PTPRD: variants seen among roughly 807,000 people sequenced by gnomAD.
The protein encoded by PTPRD is receptor-type tyrosine-protein phosphatase delta.
In PTPRD, 34 loss-of-function variants were observed where a neutral mutation model predicts 214.5. The observed-to-expected ratio is 0.16, with a 90% CI of 0.12 to 0.21. The LOEUF is 0.21. Among genes scored for constraint, PTPRD ranks in the 10% least tolerant of loss-of-function variants. PTPRD has a pLI of 1.00. For missense variants in PTPRD, 2,545 were observed against 2,398.7 expected (o/e 1.06, Z -1.27); for synonymous variants, 1,128 against 845.7 (o/e 1.33, Z -5.79).
intron 9 of PTPRD, among the ~76,000 whole-genome samples, chr9:9,202,387 C>G (rs9987419): frequency 0.11 from 17,048 of 152,040 alleles, 1,193 homozygotes; most frequent in Non-Finnish European, 0.15. Context: ...GGACATTTTT[C>G]TTATCAAGTA....
intron 7 of PTPRD, among the ~76,000 whole-genome samples, chr9:9,690,289 C>T (rs1424085557): frequency 6.6e-6 from 1 of 151,808 alleles, no homozygotes; most frequent in Admixed American, 6.6e-5. Flanking sequence ...GTGTCTTCTT[C>T]TGAGAACTGT....
chr9:9,283,963 A>G (rs1238460780), intron 9 of PTPRD, among the ~76,000 whole-genome samples: 1 of 151,648 alleles, frequency 6.6e-6, no homozygotes, highest in Non-Finnish European at 1.5e-5. Context: ...TTCATAAACA[A>G]CCAGGTTTTG....
At chr9:8,939,649 G>A (rs1042761322) in intron 11 of PTPRD, among the ~76,000 whole-genome samples, 2 of 151,904 alleles carry the variant, frequency 1.3e-5, no homozygotes, top group Non-Finnish European at 2.9e-5. Context: ...AACTTAAAAG[G>A]CAATCTGAAA....
chr9:9,109,845 T>A (rs2099803628), intron 10 of PTPRD, among the ~76,000 whole-genome samples: 1 of 152,112 alleles, frequency 6.6e-6, no homozygotes, highest in South Asian at 2.1e-4. Flanking sequence ...AGTCTGGGGA[T>A]GTGCCAGGAA....
intron 9 of PTPRD, among the ~76,000 whole-genome samples, chr9:9,199,393 G>A (rs933642569): frequency 4.6e-5 from 7 of 152,124 alleles, no homozygotes; most frequent in African/African-American, 9.7e-5. Context: ...TTGCTGTCCC[G>A]TATGCCCTAT....
chr9:8,727,011 A>G (rs1038550039), intron 12 of PTPRD, among the ~76,000 whole-genome samples: 28 of 151,962 alleles, frequency 1.8e-4, no homozygotes, highest in Non-Finnish European at 3.4e-4. Context: ...TAGATCAGGT[A>G]CATAGAAACA....
intron 2 of PTPRD, among the ~76,000 whole-genome samples, chr9:10,430,305 TA>T (rs571482388): frequency 4.6e-5 from 7 of 152,004 alleles, no homozygotes; most frequent in African/African-American, 9.6e-5. Context: ...TACTTTAATT[TA>T]AAAAAAGAAA....
chr9:10,097,751 C>T (rs1296571682), intron 3 of PTPRD, among the ~76,000 whole-genome samples: 2 of 151,738 alleles, frequency 1.3e-5, no homozygotes, highest in African/African-American at 4.8e-5. Flanking sequence ...GCCTGATTGC[C>T]CTGGCCAGAA....
At chr9:8,979,876 A>T (rs1057453018) in intron 11 of PTPRD, among the ~76,000 whole-genome samples, 1 of 152,092 alleles carries the variant, frequency 6.6e-6, no homozygotes, top group Non-Finnish European at 1.5e-5. Flanking sequence ...TACCCAAAGA[A>T]GATGAAATCA....
intron 5 of PTPRD, among the ~76,000 whole-genome samples, chr9:9,884,481 A>G (rs1271282070): frequency 6.6e-6 from 1 of 152,118 alleles, no homozygotes; most frequent in African/African-American, 2.4e-5. Flanking sequence ...TACCACCACC[A>G]AACTAAAGCA....
chr9:8,567,319 A>AT (rs1458803021), intron 14 of PTPRD, among the ~76,000 whole-genome samples: 27 of 152,092 alleles, frequency 1.8e-4, no homozygotes, highest in South Asian at 6.2e-4. Context: ...TCTCAGACAA[A>AT]TGTTCTTTAA....
chr9:9,393,188 G>C (rs955109010), intron 9 of PTPRD, among the ~76,000 whole-genome samples: 1 of 148,736 alleles, frequency 6.7e-6, no homozygotes, highest in East Asian at 2.0e-4. Context: ...AGAAAGCCCT[G>C]CAACAACATC....
chr9:8,981,373 T>C (rs1329344796), intron 11 of PTPRD, among the ~76,000 whole-genome samples: 1 of 152,072 alleles, frequency 6.6e-6, no homozygotes, highest in Non-Finnish European at 1.5e-5. Context: ...CCAAAACATA[T>C]GTTGCCATTT....
chr9:10,536,155 A>C (rs969592618), intron 2 of PTPRD, among the ~76,000 whole-genome samples: 16 of 152,134 alleles, frequency 1.1e-4, no homozygotes, highest in African/African-American at 3.6e-4. Context: ...GGACCAAGGA[A>C]TATGTCTGCT....
intron 2 of PTPRD, among the ~76,000 whole-genome samples, chr9:10,413,714 C>T (rs903200519): frequency 1.1e-4 from 17 of 151,922 alleles, no homozygotes; most frequent in Admixed American, 3.9e-4. Flanking sequence ...AACTACACTA[C>T]GTGGCTACAG....
intron 9 of PTPRD, among the ~76,000 whole-genome samples, chr9:9,365,932 G>T (rs73393077): frequency 0.01 from 1,549 of 151,548 alleles, 26 homozygotes; most frequent in African/African-American, 0.035. Context: ...ATAGTTACAA[G>T]AAAATATTAT....
At chr9:9,701,307 C>T (rs898976707) in intron 7 of PTPRD, among the ~76,000 whole-genome samples, 1 of 152,040 alleles carries the variant, frequency 6.6e-6, no homozygotes, top group South Asian at 2.1e-4. Flanking sequence ...TTAAAAACTT[C>T]AAACTAATTA....
intron 12 of PTPRD, among the ~76,000 whole-genome samples, chr9:8,732,387 G>A (rs1253345758): frequency 6.6e-6 from 1 of 152,032 alleles, no homozygotes; most frequent in African/African-American, 2.4e-5. Flanking sequence ...AATTAACAAT[G>A]GTGAAACAAC....
In PTPRD at chr9:10,536,032, G is replaced by C. The variant is rs183891423; in HGVS notation, c.-600+76366C>G. On this transcript the variant is annotated intron_variant, in intron 2 of 45. Transcript: ENST00000381196. ...GGTATAAAAGAGTTTTTTTCCAGTG[G>C]TTAGCAAACCTCTTACAGCGGAATC... Among the ~76,000 whole-genome samples, 561 of 152,124 alleles carry C rather than the reference G, an allele frequency of 3.7e-3. 1 individual carries two copies. The highest frequency in any genetic ancestry group is 6.1e-3 in the Non-Finnish European group (413 of 67,980).
Sources: gnomAD v4.1 joint callset for allele counts (sites outside exome capture counted in the v4.1 genomes callset) on GRCh38, gnomAD v4.1.1 for gene constraint, MANE v1.5 for transcripts, NCBI Gene and HGNC (gene_info 2026-07-23, HGNC 2026-07-21) for gene names.